The following TRIM17 variants were observed in gnomAD, a reference collection of about 807,000 sequenced individuals.
TRIM17 encodes the protein E3 ubiquitin-protein ligase TRIM17.
TRIM17 carries 27 observed loss-of-function variants against 35.8 expected under a neutral mutation model. The observed-to-expected ratio is 0.75, with a 90% CI of 0.56 to 1.04. The LOEUF is 1.04. TRIM17 is among the 50% of genes least tolerant of loss of function. The probability of loss-of-function intolerance (pLI) is 0.00; values close to 1 mark genes in which losing one functional copy is unlikely to be tolerated. For synonymous variants in TRIM17, 246 were observed against 252.6 expected (o/e 0.97, Z 0.25); for missense variants, 582 against 612.8 (o/e 0.95, Z 0.53).
chr1:228,408,281 G>T lies in TRIM17; in HGVS notation c.1354C>A (p.Leu452Met). The change falls in exon 7 of 7, where the codon CTG (leucine) becomes ATG (methionine). Residue 452 changes from leucine (L) to methionine (M), a missense_variant. Transcript: ENST00000366698. This position sits in a 1 kb window ranked among gnomAD's most constrained non-coding sequence, Gnocchi z 6.3. ...TYSQATFPGP[L>M]QPFFCLGAPK... is the part of the protein sequence containing the mutation. ...GCCCCCAGGCAGAAGAAAGGCTGCA[G>T]GGGGCCTGGGAAGGTGGCCTGGGAG... The T allele has an allele frequency of 6.3e-7, 1 of 1,598,974 alleles. No individual in the cohort carries two copies.
At chr1:228,409,018 C>A (rs1195154811) in intron 6 of TRIM17, 154 bp downstream of exon 6, 4 of 1,588,882 alleles carry the variant, frequency 2.5e-6, no homozygotes, top group Non-Finnish European at 3.4e-6. Context: ...ACCAGTAACG[C>A]CGCCCTACGA....
Position 228,410,912 on chromosome 1 carries a change from C to A in TRIM17, c.756+34G>T. 1 of 1,438,684 alleles carries A rather than the reference C, an allele frequency of 7.0e-7. No individual in the cohort carries two copies. The highest frequency in any genetic ancestry group is 1.4e-5 in the South Asian group (1 of 71,856). The allele number at this position is 1,438,684 out of a possible 1,614,324, so 89.1% of individuals were successfully genotyped here. A position where few individuals can be genotyped will look rare whatever the true frequency, so the allele number is the denominator to read the frequency against. ...CCCTGCCCATGCCTGTCAGAGCTCA[C>A]ATCCCACCCTGCCTGCCAAGCCTAC... On this transcript the variant is annotated intron_variant, in intron 4 of 6. Transcript: ENST00000366698. This position sits in a 1 kb window ranked among gnomAD's most constrained non-coding sequence, Gnocchi z 4.6.
At position 228,411,840 on chromosome 1, in the gene TRIM17, C is replaced by T. The variant is rs561573396; in HGVS notation, c.526-664G>A. On this transcript the variant is annotated intron_variant, in intron 3 of 6. Coordinates refer to ENST00000366698, the MANE Select transcript of TRIM17 (RefSeq NM_016102.4). The surrounding 1 kb of genome is among the most constrained non-coding windows in gnomAD (Gnocchi z 4.2). ...TAGAGACAGGGTCTTGCTATGTTGC[C>T]CAGGCTGGGGTTCAGTGGCATGATC... Among the ~76,000 whole-genome samples, 11 of 152,226 alleles carry T rather than the reference C, an allele frequency of 7.2e-5. No individual in the cohort carries two copies. Among genetic ancestry groups the T allele is most frequent in the Non-Finnish European group, 1.3e-4 (9 of 68,022 alleles).
In TRIM17 at chr1:228,416,799, A is replaced by G. The variant is rs1486187715; in HGVS notation, c.-302T>C. 5.1e-6 allele frequency: 5 copies of G among 971,012 alleles called. No homozygotes were observed. Among genetic ancestry groups the G allele is most frequent in the Non-Finnish European group, 4.8e-6 (4 of 825,582 alleles). The allele number at this position is 971,012 out of a possible 1,614,324, so 60.1% of individuals were successfully genotyped here. A position where few individuals can be genotyped will look rare whatever the true frequency, so the allele number is the denominator to read the frequency against. ...GGAGAGGTTGGGGGTGGCTTGGGGA[A>G]GGAAGGCGGCAGGGGGTGGAAGGCT... is the stretch of plus-strand genomic sequence containing the variant. On this transcript the variant is annotated 5_prime_UTR_variant, in exon 1 of 7. Coordinates refer to ENST00000366698, the MANE Select transcript of TRIM17 (RefSeq NM_016102.4).
At chr1:228,415,357 C>T in intron 1 of TRIM17, 1 of 350,848 alleles carries the variant, frequency 2.9e-6, no homozygotes, top group Non-Finnish European at 5.2e-6. Flanking sequence ...CCCTACCCGT[C>T]CACTTCCGCC....
At chr1:228,416,023 GAGATCTACA>G (rs1222376589) in intron 1 of TRIM17, 1 of 152,210 alleles carries the variant, frequency 6.6e-6, no homozygotes, top group Non-Finnish European at 1.5e-5. Flanking sequence ...CCACGCAGTG[GAGATCTACA>G]GACTTTCGCC....
chr1:228,413,736 G>C, intron 3 of TRIM17, 61 bp downstream of exon 3: 1 of 1,409,912 alleles, frequency 7.1e-7, no homozygotes, highest in Admixed American at 1.7e-5. Context: ...AGACACAGAC[G>C]TGGAAATGCA....
Position 228,410,979 on chromosome 1 carries a change from C to G in TRIM17, c.723G>C (p.Glu241Asp), listed in dbSNP as rs1209610627. Residue 241 changes from glutamate to aspartate, a missense_variant, in exon 4 of 7, where the codon GAG becomes GAC. By Grantham distance (45) the Glu-to-Asp change is conservative. Transcript: ENST00000366698. The surrounding 1 kb of genome is among the most constrained non-coding windows in gnomAD (Gnocchi z 4.6). Reference protein sequence around the residue: ...SLELLLLQLEERSTQGPLQML... With the variant: ...SLELLLLQLEDRSTQGPLQML... ...TCTGGAGGGGCCCCTGTGTGCTCCG[C>G]TCCTCCAGCTGCAGCAGCAGCAGCT... is the stretch of plus-strand genomic sequence containing the variant. The G allele has an allele frequency of 6.2e-7, 1 of 1,600,642 alleles. No homozygotes were observed. Among genetic ancestry groups the G allele is most frequent in the East Asian group, 2.2e-5 (1 of 44,636 alleles).
At chr1:228,413,918 T>G (rs1406367558) in intron 2 of TRIM17, 26 bp from the exon 3 acceptor site, 2 of 1,603,602 alleles carry the variant, frequency 1.2e-6, no homozygotes, top group Non-Finnish European at 1.7e-6. Flanking sequence ...ACCGCAGGAT[T>G]TGGGATCAGC....
intron 4 of TRIM17, chr1:228,409,711 A>C: frequency 8.9e-5 from 21 of 235,746 alleles, no homozygotes; most frequent in East Asian, 3.4e-4. Flanking sequence ...GCCACTCAAC[A>C]CTGACCCTCC....
At chr1:228,414,550 C>T (rs1656972393) in intron 2 of TRIM17, 94 bp downstream of exon 2, 8 of 1,174,314 alleles carry the variant, frequency 6.8e-6, no homozygotes, top group Non-Finnish European at 9.8e-6. Context: ...CACTTTGTCC[C>T]TGGACACCTC....
Position 228,408,070 on chromosome 1 carries a change from T to G in TRIM17, c.*131A>C. Reference sequence around the variant, plus strand: ...TCTAATCACAATTATATTTAGAATTTGAGAAACCCCCCTGTGTGTCTAATG... The same window carrying G: ...TCTAATCACAATTATATTTAGAATTGGAGAAACCCCCCTGTGTGTCTAATG... On this transcript the variant is annotated 3_prime_UTR_variant, in exon 7 of 7. Transcript: ENST00000366698. The surrounding 1 kb of genome is among the most constrained non-coding windows in gnomAD (Gnocchi z 6.3). 7 of 813,238 alleles carry G rather than the reference T, an allele frequency of 8.6e-6. No individual in the cohort carries two copies. The highest frequency in any genetic ancestry group is 1.3e-5 in the Non-Finnish European group (7 of 528,858). 50.4% of individuals were successfully genotyped at this position (813,238 alleles called of 1,614,324 possible).
At position 228,416,700 on chromosome 1, in the gene TRIM17, G is replaced by T; in HGVS notation, c.-203C>A. Reference sequence around the variant, plus strand: ...TAGGGACTTTGTGGCGTCAGCGGGGGCTGGGGGGCGGCGGGGGAGGGGAAT... The same window carrying T: ...TAGGGACTTTGTGGCGTCAGCGGGGTCTGGGGGGCGGCGGGGGAGGGGAAT... On this transcript the variant is annotated 5_prime_UTR_variant, in exon 1 of 7. Transcript: ENST00000366698. The T allele has an allele frequency of 3.1e-6, 3 of 980,644 alleles. No homozygotes were observed. Among genetic ancestry groups the T allele is most frequent in the Non-Finnish European group, 3.6e-6 (3 of 827,156 alleles). 60.7% of individuals were successfully genotyped at this position (980,644 alleles called of 1,614,324 possible).
chr1:228,416,127 T>C (rs1396956740), intron 1 of TRIM17: 1 of 159,008 alleles, frequency 6.3e-6, no homozygotes, highest in Non-Finnish European at 1.3e-5. Context: ...TCCCCTTCCG[T>C]TCTGCCATCC....
In TRIM17 at chr1:228,410,057, A is replaced by T. The variant is rs1656692825; in HGVS notation, c.757-646T>A. On this transcript the variant is annotated intron_variant, in intron 4 of 6. Coordinates refer to ENST00000366698, the MANE Select transcript of TRIM17 (RefSeq NM_016102.4). This position sits in a 1 kb window ranked among gnomAD's most constrained non-coding sequence, Gnocchi z 4.6. ...GGCTTTTCCCTCAGTTGGTCAGCAA[A>T]CCAATGTAGTGGGTTGTGAACAGGC... is the stretch of plus-strand genomic sequence containing the variant. 6.6e-6 allele frequency among the ~76,000 whole-genome samples: 1 copy of T among 150,902 alleles called. No individual in the cohort carries two copies. The highest frequency in any genetic ancestry group is 6.6e-5 in the Admixed American group (1 of 15,178).
rs1190748406 is a variant in TRIM17, at chr1:228,408,634, A to G, written c.1001T>C (p.Phe334Ser). 1 of 1,613,556 alleles carries G rather than the reference A, an allele frequency of 6.2e-7. No homozygotes were observed. Among genetic ancestry groups the G allele is most frequent in the South Asian group, 1.1e-5 (1 of 91,090 alleles). ...GCCCACAGCACAGGGGTAAGCCACA[A>G]ATCGGTCCTTGCTGCAGAACCCACT... ...EGSGFCSKDRFVAYPCAVGQT... is the reference protein window; with the variant it reads ...EGSGFCSKDRSVAYPCAVGQT... The change falls in exon 7 of 7, where the codon TTT becomes TCT. Residue 334 changes from phenylalanine (F) to serine (S), a missense_variant. By Grantham distance (155) the Phe-to-Ser change is radical. Coordinates refer to ENST00000366698, the MANE Select transcript of TRIM17 (RefSeq NM_016102.4). The surrounding 1 kb of genome is among the most constrained non-coding windows in gnomAD (Gnocchi z 6.3).
Position 228,409,225 on chromosome 1 carries a change from G to A in TRIM17, c.830C>T (p.Pro277Leu), listed in dbSNP as rs779132026. The A allele has an allele frequency of 6.2e-6, 10 of 1,613,830 alleles. No individual in the cohort carries two copies. Among genetic ancestry groups the A allele is most frequent in the Admixed American group, 1.7e-5 (1 of 59,980 alleles). ...TCCGGGAACTCTGCACACAGTCCTG[G>A]GTCTGGTTGGGGGGGCAACCTCTGG... ...QCPEVAPPTR[P>L]RTVCRVPGQI... The change falls in exon 6 of 7, where the codon CCC becomes CTC. Residue 277 changes from proline to leucine, a missense_variant. By Grantham distance (98) the Pro-to-Leu change is moderately conservative. Coordinates refer to ENST00000366698, the MANE Select transcript of TRIM17 (RefSeq NM_016102.4).
chr1:228,412,941 T>C (rs1488939876), intron 3 of TRIM17, among the ~76,000 whole-genome samples: 1 of 152,136 alleles, frequency 6.6e-6, no homozygotes, highest in Non-Finnish European at 1.5e-5. Context: ...CCTGGCGCGA[T>C]GACTTATGCC....
chr1:228,413,061 G>A (rs1380123361), intron 3 of TRIM17, among the ~76,000 whole-genome samples: 8 of 151,858 alleles, frequency 5.3e-5, no homozygotes, highest in South Asian at 2.1e-4. Context: ...AAGTACAAAA[G>A]TTAGTCGGGC....
Sources: allele counts gnomAD v4.1 joint callset (sites outside exome capture counted in the v4.1 genomes callset), GRCh38; gene constraint gnomAD v4.1.1; non-coding constraint Gnocchi (gnomAD v3.1); transcripts MANE v1.5; gene names NCBI Gene and HGNC (gene_info 2026-07-23, HGNC 2026-07-21).